The following ARHGAP29 variants were observed in gnomAD, a reference collection of about 807,000 sequenced individuals.
The protein encoded by ARHGAP29 is Rho GTPase activating protein 29.
Under a neutral mutation model 122.6 loss-of-function variants are expected in ARHGAP29, and 43 were observed. That is an observed-to-expected ratio of 0.35 (90% CI 0.27 to 0.45). The LOEUF is 0.45. Among genes scored for constraint, ARHGAP29 ranks in the 20% least tolerant of loss-of-function variants. ARHGAP29 has a pLI of 1.00. For missense variants in ARHGAP29, 1,303 were observed against 1,477.2 expected (o/e 0.88, Z 1.93); for synonymous variants, 506 against 497.1 (o/e 1.02, Z -0.24).
chr1:94,174,187 T>G lies in ARHGAP29; in HGVS notation c.3468A>C (p.Arg1156Ser). Reference sequence around the variant, plus strand: ...TTGTCCAATGTTGAGGCTGCAGTGTTCTGGGTGCTCTGACAGGAGCGAGAG... The same window carrying G: ...TTGTCCAATGTTGAGGCTGCAGTGTGCTGGGTGCTCTGACAGGAGCGAGAG... ...SYPLAPVRAPRTLQPQHWTTF... is the reference protein window; with the variant it reads ...SYPLAPVRAPSTLQPQHWTTF... Residue 1156 changes from arginine to serine, a missense_variant, in exon 23 of 23, where the codon AGA (arginine) becomes AGC (serine). By Grantham distance (110) the Arg-to-Ser change is moderately radical. This residue lies in a region of ARHGAP29 where 620 missense variants were observed against 651.2 expected (regional missense o/e 0.95). Transcript: ENST00000260526. 6 of 1,614,216 alleles carry G rather than the reference T, an allele frequency of 3.7e-6. No homozygotes were observed. Among genetic ancestry groups the G allele is most frequent in the Non-Finnish European group, 5.1e-6 (6 of 1,180,044 alleles).
upstream of ARHGAP29, among the ~76,000 whole-genome samples, chr1:94,239,998 C>T (rs1557883446): frequency 6.6e-6 from 1 of 152,158 alleles, no homozygotes; most frequent in Non-Finnish European, 1.5e-5. Flanking sequence ...AACTGAAGGA[C>T]ATCAGTGGGG....
chr1:94,174,730 T>C lies in ARHGAP29; in HGVS notation c.2925A>G (p.Leu975=). ...ACLSDKAQLL[L]DQEAESASQK... ...GGGATGCTGATTCAGCCTCTTGGTC[T>C]AGAAGCAACTGTGCTTTGTCTGAAA... The change falls in exon 23 of 23, where the codon CTA becomes CTG. Residue 975 remains leucine, a synonymous_variant. Coordinates refer to ENST00000260526, the MANE Select transcript of ARHGAP29 (RefSeq NM_004815.4). 1 of 1,613,708 alleles carries C rather than the reference T, an allele frequency of 6.2e-7. No individual in the cohort carries two copies. Among genetic ancestry groups the C allele is most frequent in the Non-Finnish European group, 8.5e-7 (1 of 1,179,842 alleles).
At chr1:94,302,112 T>C in the ARHGAP29 span, 1 of 278,542 alleles carries the variant, frequency 3.6e-6, no homozygotes, top group African/African-American at 2.3e-5. Context: ...CTTTTAACTC[T>C]GGCAAAGTGG....
chr1:94,283,914 G>C, the ARHGAP29 span, among the ~76,000 whole-genome samples: 1 of 152,154 alleles, frequency 6.6e-6, no homozygotes. Flanking sequence ...AATAGAGCTA[G>C]TTTCTAGTGA....
chr1:94,221,221 T>C (rs925999467), intron 2 of ARHGAP29, among the ~76,000 whole-genome samples: 9 of 152,162 alleles, frequency 5.9e-5, no homozygotes, highest in Non-Finnish European at 5.9e-5. Context: ...TTCTAGGATC[T>C]TCATCCCAAG....
chr1:94,212,368 A>C (rs1450300588), intron 3 of ARHGAP29, among the ~76,000 whole-genome samples: 1 of 152,236 alleles, frequency 6.6e-6, no homozygotes, highest in Non-Finnish European at 1.5e-5. Flanking sequence ...ATTTCACAGG[A>C]GTATGATGCA....
intron 1 of ARHGAP29, among the ~76,000 whole-genome samples, chr1:94,244,493 C>G (rs1016639262): frequency 2.3e-5 from 2 of 87,224 alleles, no homozygotes. Context: ...TAAAGGGCAT[C>G]TACAAAAAAA....
At chr1:94,262,618 A>T (rs1654608851) in intron 1 of ARHGAP29, among the ~76,000 whole-genome samples, 1 of 152,196 alleles carries the variant, frequency 6.6e-6, no homozygotes, top group African/African-American at 2.4e-5. Flanking sequence ...TCAGAAAAAG[A>T]TATACATGCA....
the ARHGAP29 span, among the ~76,000 whole-genome samples, chr1:94,282,487 T>C: frequency 6.6e-6 from 1 of 151,978 alleles, no homozygotes; most frequent in Non-Finnish European, 1.5e-5. Context: ...GGTTTTGCCA[T>C]GTTGCCCAAC....
intron 1 of ARHGAP29, among the ~76,000 whole-genome samples, chr1:94,246,822 C>T (rs1045792844): frequency 3.3e-5 from 5 of 152,094 alleles, no homozygotes; most frequent in African/African-American, 1.2e-4. Context: ...AATCTCCCAG[C>T]TTGTCCCTTC....
At chr1:94,236,288 T>G (rs1394391152) in intron 1 of ARHGAP29, among the ~76,000 whole-genome samples, 1 of 152,232 alleles carries the variant, frequency 6.6e-6, no homozygotes, top group Non-Finnish European at 1.5e-5. Flanking sequence ...AAGAGGAAGC[T>G]GCCCAGCATC....
At chr1:94,277,617 A>C (rs1456816439), upstream of ARHGAP29, among the ~76,000 whole-genome samples, 1 of 152,184 alleles carries the variant, frequency 6.6e-6, no homozygotes, top group Non-Finnish European at 1.5e-5. Context: ...ATAGAGGATT[A>C]TACTACCCAA....
rs372477728 is a variant in ARHGAP29 at position 94,173,877 on chromosome 1, A to C, written c.3778T>G (p.Phe1260Val). ...CCTGAAATTTGACATCCCTACACAA[A>C]TTGTGGAATTTCACCTTCGAGGTCT... is the stretch of plus-strand genomic sequence containing the variant. ...FEDLEGEIPQ[F>V]V Residue 1260 changes from phenylalanine to valine, a missense_variant, in exon 23 of 23, where the codon TTT becomes GTT. By Grantham distance (50) the Phe-to-Val change is conservative. Coordinates refer to ENST00000260526, the MANE Select transcript of ARHGAP29 (RefSeq NM_004815.4). 1.3e-6 allele frequency: 2 copies of C among 1,598,318 alleles called. No individual in the cohort carries two copies. Among genetic ancestry groups the C allele is most frequent in the Non-Finnish European group, 1.7e-6 (2 of 1,168,450 alleles).
Position 94,179,711 on chromosome 1 carries a change from T to C in ARHGAP29, c.2480+14A>G, listed in dbSNP as rs972909718. 3.3e-6 allele frequency: 5 copies of C among 1,523,738 alleles called. No homozygotes were observed. The highest frequency in any genetic ancestry group is 1.2e-5 in the South Asian group (1 of 84,572). The allele number at this position is 1,523,738 out of a possible 1,614,324, so 94.4% of individuals were successfully genotyped here. ...TGCCCATTAATAAATGTTCTAGTTA[T>C]ATAAAATTCTTACCGCTTTAGATGT... On this transcript the variant is annotated intron_variant, in intron 20 of 22. Coordinates refer to ENST00000260526, the MANE Select transcript of ARHGAP29 (RefSeq NM_004815.4).
chr1:94,237,147 T>C (rs116443370), intron 1 of ARHGAP29, among the ~76,000 whole-genome samples: 1,788 of 152,272 alleles, frequency 0.012, 32 homozygotes, highest in African/African-American at 0.04. Context: ...ATCGTCACCG[T>C]CTGCTCCCGG....
At chr1:94,247,700 C>G (rs1361814523) in intron 1 of ARHGAP29, among the ~76,000 whole-genome samples, 1 of 151,282 alleles carries the variant, frequency 6.6e-6, no homozygotes, top group Non-Finnish European at 1.5e-5. Flanking sequence ...GCCGCAGCCA[C>G]AGACACCACC....
chr1:94,235,435 G>T (rs1327527308), intron 1 of ARHGAP29, among the ~76,000 whole-genome samples: 1 of 152,158 alleles, frequency 6.6e-6, no homozygotes, highest in Non-Finnish European at 1.5e-5. Flanking sequence ...AGAGTGCCTG[G>T]TTCATCATAA....
chr1:94,191,228 T>G (rs567780271), intron 12 of ARHGAP29: 1 of 152,312 alleles, frequency 6.6e-6, no homozygotes, highest in East Asian at 1.9e-4. Context: ...CACAAAGCTG[T>G]AACATGATCT....
chr1:94,174,371 G>A lies in ARHGAP29; in HGVS notation c.3284C>T (p.Thr1095Ile), dbSNP rs1570475869. 4 of 1,614,172 alleles carry A rather than the reference G, an allele frequency of 2.5e-6. No individual in the cohort carries two copies. The highest frequency in any genetic ancestry group is 1.7e-5 in the Admixed American group (1 of 60,016). ...CTGGAGTGCACTGGGCATGATCATT[G>A]TAGTCTTGGCAGTTAGGCTGTTTTG... is the stretch of plus-strand genomic sequence containing the variant. ...YEQNSLTAKTTMIMPSALQEK... is the reference protein window; with the variant it reads ...YEQNSLTAKTIMIMPSALQEK... Residue 1095 changes from threonine (T) to isoleucine (I), a missense_variant, in exon 23 of 23, where the codon ACA becomes ATA. Transcript: ENST00000260526.
Sources: allele counts gnomAD v4.1 joint callset (sites outside exome capture counted in the v4.1 genomes callset), GRCh38; gene constraint gnomAD v4.1.1; regional missense constraint gnomAD v4.1.1; transcripts MANE v1.5; gene names NCBI Gene and HGNC (gene_info 2026-07-23, HGNC 2026-07-21).